The following DCDC2C variants were observed in gnomAD, a reference collection of about 807,000 sequenced individuals.
The protein encoded by DCDC2C is doublecortin domain-containing protein 2C.
Under a neutral mutation model 45.0 loss-of-function variants are expected in DCDC2C, and 44 were observed. The observed-to-expected ratio is 0.98, with a 90% CI of 0.77 to 1.26. The LOEUF is 1.26. Among genes scored for constraint, DCDC2C ranks in the 50% most tolerant of loss-of-function variants. DCDC2C has a pLI of 0.00. For missense variants in DCDC2C, 447 were observed against 468.9 expected (o/e 0.95, Z 0.43); for synonymous variants, 187 against 178.8 (o/e 1.05, Z -0.37).
In DCDC2C at chr2:3,734,770, G is replaced by A. The variant is rs1286020908; in HGVS notation, c.417-7150G>A. Among the ~76,000 whole-genome samples the A allele has an allele frequency of 6.6e-6, 1 of 152,166 alleles. No homozygotes were observed. Among genetic ancestry groups the A allele is most frequent in the Non-Finnish European group, 1.5e-5 (1 of 68,030 alleles). Reference sequence around the variant, plus strand: ...AATCCACGTTTTTATGTTTTGGGGAGAAGACTCCAAGACATGATCCTCTCC... The same window carrying A: ...AATCCACGTTTTTATGTTTTGGGGAAAAGACTCCAAGACATGATCCTCTCC... On this transcript the variant is annotated intron_variant, in intron 3 of 10. Transcript: ENST00000399143. The surrounding 1 kb of genome is among the most constrained non-coding windows in gnomAD (Gnocchi z 4.2).
chr2:3,713,546 G>C (rs146802108), intron 2 of DCDC2C, among the ~76,000 whole-genome samples: 7 of 152,224 alleles, frequency 4.6e-5, no homozygotes, highest in African/African-American at 1.7e-4. Flanking sequence ...TGGAGACCTT[G>C]TTGGAAGTTA....
chr2:3,825,926 C>T (rs892012651), intron 10 of DCDC2C, among the ~76,000 whole-genome samples: 1 of 152,164 alleles, frequency 6.6e-6, no homozygotes, highest in Non-Finnish European at 1.5e-5. Flanking sequence ...GCTGAGCCTT[C>T]GTGTCCTGAG....
intron 10 of DCDC2C, among the ~76,000 whole-genome samples, chr2:3,829,127 C>T (rs1005804609): frequency 2.0e-5 from 3 of 152,128 alleles, no homozygotes; most frequent in African/African-American, 7.2e-5. Flanking sequence ...GCCTGTGATG[C>T]TGGCTTTAGA....
intron 10 of DCDC2C, among the ~76,000 whole-genome samples, chr2:3,842,729 G>T (rs1030071937): frequency 2.0e-5 from 3 of 151,972 alleles, no homozygotes; most frequent in Non-Finnish European, 4.4e-5. Context: ...GTGGATTGGA[G>T]GCTTTCCTGG....
At chr2:3,817,469 G>A (rs1558240816) in intron 10 of DCDC2C, among the ~76,000 whole-genome samples, 1 of 152,204 alleles carries the variant, frequency 6.6e-6, no homozygotes, top group Non-Finnish European at 1.5e-5. Flanking sequence ...AGGTAGTGGA[G>A]TGGGGCAGAA....
At chr2:3,829,568 C>T (rs1048973885) in intron 10 of DCDC2C, among the ~76,000 whole-genome samples, 1 of 152,126 alleles carries the variant, frequency 6.6e-6, no homozygotes, top group African/African-American at 2.4e-5. Flanking sequence ...ATAATCTTTT[C>T]CTGTCTATTT....
intron 2 of DCDC2C, among the ~76,000 whole-genome samples, chr2:3,716,028 C>T (rs144262745): frequency 0.016 from 2,376 of 152,206 alleles, 51 homozygotes; most frequent in Admixed American, 0.057. Context: ...GGAGAACCGA[C>T]GGTGCAAAGG....
intron 6 of DCDC2C, among the ~76,000 whole-genome samples, chr2:3,758,036 T>G (rs955755991): frequency 1.3e-5 from 2 of 152,236 alleles, no homozygotes; most frequent in African/African-American, 2.4e-5. Flanking sequence ...GGGAGTACAA[T>G]GGACTATATC....
intron 8 of DCDC2C, among the ~76,000 whole-genome samples, chr2:3,773,288 G>A (rs576404559): frequency 6.6e-6 from 1 of 152,038 alleles, no homozygotes; most frequent in African/African-American, 2.4e-5. Flanking sequence ...CCTTTCTTGA[G>A]TTTTTATTTT....
intron 10 of DCDC2C, among the ~76,000 whole-genome samples, chr2:3,837,944 T>A (rs549880065): frequency 1.3e-5 from 2 of 152,182 alleles, no homozygotes; most frequent in East Asian, 3.9e-4. Context: ...CTTTTCTGAG[T>A]GCTCTTATTT....
chr2:3,774,956 T>G (rs1670289082), intron 8 of DCDC2C, among the ~76,000 whole-genome samples: 1 of 152,202 alleles, frequency 6.6e-6, no homozygotes, highest in South Asian at 2.1e-4. Flanking sequence ...GTAGAGACGG[T>G]GTTTCACCAT....
chr2:3,819,296 G>A (rs369086762), intron 10 of DCDC2C, among the ~76,000 whole-genome samples: 12 of 152,246 alleles, frequency 7.9e-5, no homozygotes, highest in Non-Finnish European at 1.5e-4. Context: ...CAGATGGGAC[G>A]TGGCTTAGGA....
At chr2:3,795,582 A>G (rs1210883647) in intron 10 of DCDC2C, among the ~76,000 whole-genome samples, 2 of 118,878 alleles carry the variant, frequency 1.7e-5, no homozygotes, top group Non-Finnish European at 3.4e-5. Context: ...AGCTTTCTAC[A>G]TATGACTAGC....
intron 3 of DCDC2C, among the ~76,000 whole-genome samples, chr2:3,735,387 T>G (rs1668995561): frequency 6.6e-6 from 1 of 151,992 alleles, no homozygotes; most frequent in Non-Finnish European, 1.5e-5. Context: ...TAGCATTAGG[T>G]GTATCTCCTA....
At chr2:3,814,096 T>A (rs1210356632) in intron 10 of DCDC2C, among the ~76,000 whole-genome samples, 1 of 152,112 alleles carries the variant, frequency 6.6e-6, no homozygotes, top group Non-Finnish European at 1.5e-5. Flanking sequence ...GATATTCTCC[T>A]GGATAACATC....
chr2:3,778,147 C>T (rs1670401721), intron 8 of DCDC2C, among the ~76,000 whole-genome samples: 1 of 151,892 alleles, frequency 6.6e-6, no homozygotes, highest in Non-Finnish European at 1.5e-5. Context: ...GCGCCGGGGC[C>T]TCCATCAGTG....
intron 2 of DCDC2C, among the ~76,000 whole-genome samples, chr2:3,710,256 A>C (rs566719565): frequency 6.6e-6 from 1 of 152,184 alleles, no homozygotes; most frequent in Non-Finnish European, 1.5e-5. Flanking sequence ...TTTGTTCCAC[A>C]GGTAAACATG....
intron 10 of DCDC2C, among the ~76,000 whole-genome samples, chr2:3,822,557 T>C (rs969979932): frequency 7.2e-5 from 11 of 151,736 alleles, no homozygotes; most frequent in African/African-American, 2.7e-4. Flanking sequence ...GATTTTTTTT[T>C]TTCCAAAAAT....
intron 10 of DCDC2C, among the ~76,000 whole-genome samples, chr2:3,817,523 TA>T (rs1436949807): frequency 6.6e-6 from 1 of 152,088 alleles, no homozygotes; most frequent in African/African-American, 2.4e-5. Context: ...TTTTGGAAGT[TA>T]TGAGAACTGT....
Sources: allele counts gnomAD v4.1 joint callset (sites outside exome capture counted in the v4.1 genomes callset), GRCh38; gene constraint gnomAD v4.1.1; non-coding constraint Gnocchi (gnomAD v3.1); transcripts MANE v1.5; gene names NCBI Gene and HGNC (gene_info 2026-07-23, HGNC 2026-07-21).